Variants in B4GALNT2 observed in about 807,000 individuals in gnomAD.
B4GALNT2 encodes the protein beta-1,4-N-acetyl-galactosaminyltransferase 2 (SID blood group).
In B4GALNT2, 42 loss-of-function variants were observed where a neutral mutation model predicts 51.1. The observed-to-expected ratio is 0.82, with a 90% CI of 0.64 to 1.06. B4GALNT2 has a LOEUF of 1.06. B4GALNT2 is among the 50% of genes least tolerant of loss of function. The probability of loss-of-function intolerance (pLI) is 0.00; values close to 1 mark genes in which losing one functional copy is unlikely to be tolerated. For synonymous variants in B4GALNT2, 253 were observed against 251.7 expected (o/e 1.01, Z -0.05); for missense variants, 602 against 633.6 (o/e 0.95, Z 0.54).
chr17:49,136,767 G>A (rs1296857535), intron 1 of B4GALNT2, among the ~76,000 whole-genome samples: 2 of 151,828 alleles, frequency 1.3e-5, no homozygotes, highest in Non-Finnish European at 2.9e-5. Context: ...GGCTGGTCTC[G>A]AATTCCTGAC....
At chr17:49,128,906 C>G (rs1243305739), upstream of B4GALNT2, among the ~76,000 whole-genome samples, 1 of 152,002 alleles carries the variant, frequency 6.6e-6, no homozygotes, top group African/African-American at 2.4e-5. Context: ...TCTAGGCATC[C>G]CCAGTCAAAA....
At chr17:49,139,297 G>C (rs1447183848) in intron 1 of B4GALNT2, among the ~76,000 whole-genome samples, 1 of 151,762 alleles carries the variant, frequency 6.6e-6, no homozygotes, top group Admixed American at 6.6e-5. Context: ...GGAGTGCAGT[G>C]GTGCAGTTTT....
chr17:49,141,985 C>A, intron 2 of B4GALNT2, 50 bp from the exon 3 acceptor site: 1 of 1,609,156 alleles, frequency 6.2e-7, no homozygotes, highest in Non-Finnish European at 8.5e-7. Context: ...TCCTCTCACC[C>A]ACCAGCCTAC....
Position 49,171,569 on chromosome 17 carries a change from T to C in B4GALNT2, c.*1841T>C, listed in dbSNP as rs113242270. Reference sequence around the variant, plus strand: ...TAGCTTCTACAGTGGACCATATCATTTGAGGTTGAGGTGCCACTATACCGC... The same window carrying C: ...TAGCTTCTACAGTGGACCATATCATCTGAGGTTGAGGTGCCACTATACCGC... On this transcript the variant is annotated 3_prime_UTR_variant, in exon 11 of 11. Coordinates refer to ENST00000393354, the MANE Select transcript of B4GALNT2 (RefSeq NM_001159387.2). 4,121 of 421,854 alleles carry C rather than the reference T, an allele frequency of 9.8e-3. 164 individuals carry two copies. The highest frequency in any genetic ancestry group is 0.08 in the African/African-American group (3,836 of 47,978). The allele number at this position is 421,854 out of a possible 1,614,324, so 26.1% of individuals were successfully genotyped here.
At chr17:49,137,550 C>G (rs1014502793) in intron 1 of B4GALNT2, among the ~76,000 whole-genome samples, 15 of 152,138 alleles carry the variant, frequency 9.9e-5, no homozygotes, top group Non-Finnish European at 1.5e-4. Flanking sequence ...GTAAATTACC[C>G]AGTCTCAGGT....
At chr17:49,163,776 A>G (rs2144334767) in intron 7 of B4GALNT2, among the ~76,000 whole-genome samples, 1 of 151,420 alleles carries the variant, frequency 6.6e-6, no homozygotes. Flanking sequence ...AAAAAAAAAA[A>G]AAGGAAGAAA....
chr17:49,147,370 C>CTT (rs1216908911), intron 3 of B4GALNT2, among the ~76,000 whole-genome samples: 101 of 144,240 alleles, frequency 7.0e-4, no homozygotes, highest in African/African-American at 2.5e-3. Flanking sequence ...CTTTTCTTTT[C>CTT]TTTCTTTCTT....
chr17:49,175,270 C>T lies in B4GALNT2; in HGVS notation c.*5542C>T, dbSNP rs537769456. 1 of 152,232 alleles carries T rather than the reference C, an allele frequency of 6.6e-6. No individual in the cohort carries two copies. Among genetic ancestry groups the T allele is most frequent in the Non-Finnish European group, 1.5e-5 (1 of 68,022 alleles). 9.4% of individuals were successfully genotyped at this position (152,232 alleles called of 1,614,324 possible). Reference sequence around the variant, plus strand: ...GTAATTTGATTCACCCAATAAGCTGCTTTGTCTTGTTTATTTGTGCTTCCA... The same window carrying T: ...GTAATTTGATTCACCCAATAAGCTGTTTTGTCTTGTTTATTTGTGCTTCCA... On this transcript the variant is annotated 3_prime_UTR_variant, in exon 11 of 11. Transcript: ENST00000393354.
At chr17:49,126,411 C>G in the B4GALNT2 span, among the ~76,000 whole-genome samples, 2 of 150,372 alleles carry the variant, frequency 1.3e-5, no homozygotes, top group African/African-American at 4.9e-5. Context: ...CCTTTGTTCA[C>G]TTGTTTATCT....
At chr17:49,150,267 C>T (rs111757676) in intron 3 of B4GALNT2, among the ~76,000 whole-genome samples, 14 of 104,348 alleles carry the variant, frequency 1.3e-4, no homozygotes, top group East Asian at 4.5e-4. Flanking sequence ...GCCCCCCGCC[C>T]GGCCAGCCGC....
intron 4 of B4GALNT2, 51 bp downstream of exon 4, chr17:49,152,957 A>G (rs1041779916): frequency 6.7e-7 from 1 of 1,496,136 alleles, no homozygotes; most frequent in African/African-American, 1.4e-5. Context: ...TCACTCTTCT[A>G]AGGCAAAAGG....
intron 5 of B4GALNT2, among the ~76,000 whole-genome samples, chr17:49,157,752 G>A (rs1285158990): frequency 3.9e-5 from 6 of 152,166 alleles, no homozygotes; most frequent in South Asian, 2.1e-4. Context: ...GTGAGCCATC[G>A]TGCCTGGCTA....
At position 49,159,209 on chromosome 17, in the gene B4GALNT2, T is replaced by C; in HGVS notation, c.671T>C (p.Val224Ala). ...AGCACGGGGTACCAGCACCAGAAGG[T>C]AGACATAGGTGAGAGCCTGTCCTTG... is the stretch of plus-strand genomic sequence containing the variant. ...YTSTGYQHQK[V>A]DIVSLESRSS... Residue 224 changes from valine (V) to alanine (A), a missense_variant, in exon 6 of 11, where the codon GTA becomes GCA. Val to Ala is a moderately conservative substitution (Grantham distance 64, BLOSUM62 0). Transcript: ENST00000393354. 2 of 1,614,052 alleles carry C rather than the reference T, an allele frequency of 1.2e-6. No homozygotes were observed. Among genetic ancestry groups the C allele is most frequent in the Non-Finnish European group, 1.7e-6 (2 of 1,179,972 alleles).
rs1225200184 is a variant in B4GALNT2, at chr17:49,170,432, T to G, written c.*704T>G. ...AACAAAGGCTGCCCTGGCATCAGACTCACTCCAGACCTGTTCCAGAATGCC... is the reference window on the plus strand; with the variant it reads ...AACAAAGGCTGCCCTGGCATCAGACGCACTCCAGACCTGTTCCAGAATGCC... On this transcript the variant is annotated 3_prime_UTR_variant, in exon 11 of 11. Coordinates refer to ENST00000393354, the MANE Select transcript of B4GALNT2 (RefSeq NM_001159387.2). 6.6e-6 allele frequency: 1 copy of G among 152,352 alleles called. No homozygotes were observed. The highest frequency in any genetic ancestry group is 1.5e-5 in the Non-Finnish European group (1 of 68,150). The allele number at this position is 152,352 out of a possible 1,614,324, so 9.4% of individuals were successfully genotyped here. A position where few individuals can be genotyped will look rare whatever the true frequency, so the allele number is the denominator to read the frequency against.
chr17:49,134,878 A>G (rs74759839), intron 1 of B4GALNT2, among the ~76,000 whole-genome samples: 13,618 of 152,266 alleles, frequency 0.089, 671 homozygotes, highest in Middle Eastern at 0.13. Flanking sequence ...GACATGAGCC[A>G]CAGTGCCCAG....
chr17:49,145,557 T>C (rs1166653784), intron 3 of B4GALNT2, among the ~76,000 whole-genome samples: 1 of 152,256 alleles, frequency 6.6e-6, no homozygotes, highest in Non-Finnish European at 1.5e-5. Context: ...CTACCCATTC[T>C]GTATTCCCCT....
Position 49,169,824 on chromosome 17 carries a change from A to G in B4GALNT2, c.*96A>G. On this transcript the variant is annotated 3_prime_UTR_variant, in exon 11 of 11. Coordinates refer to ENST00000393354, the MANE Select transcript of B4GALNT2 (RefSeq NM_001159387.2). The stretch of plus-strand genomic sequence containing the variant: ...ACTCCTGATAGGTGAACGTTGTACC[A>G]AACCAGCTGGTGGGTAGGGAAAAGG... 1 of 1,211,082 alleles carries G rather than the reference A, an allele frequency of 8.3e-7. No homozygotes were observed. The highest frequency in any genetic ancestry group is 1.1e-6 in the Non-Finnish European group (1 of 893,984). 75.0% of individuals were successfully genotyped at this position (1,211,082 alleles called of 1,614,324 possible).
At chr17:49,131,283 T>C (rs1414836530), upstream of B4GALNT2, among the ~76,000 whole-genome samples, 1 of 152,050 alleles carries the variant, frequency 6.6e-6, no homozygotes, top group Non-Finnish European at 1.5e-5. Flanking sequence ...TCTTTTCCAG[T>C]CTGGAGCTAG....
chr17:49,130,102 A>G (rs2042529472), upstream of B4GALNT2, among the ~76,000 whole-genome samples: 1 of 152,186 alleles, frequency 6.6e-6, no homozygotes, highest in South Asian at 2.1e-4. Context: ...TCCTGCAGTC[A>G]TCCCTAGAGC....
Sources: allele counts gnomAD v4.1 joint callset (sites outside exome capture counted in the v4.1 genomes callset), GRCh38; gene constraint gnomAD v4.1.1; transcripts MANE v1.5; gene names NCBI Gene and HGNC (gene_info 2026-07-23, HGNC 2026-07-21).